The following SAMD12 variants were observed in gnomAD, a reference collection of about 807,000 sequenced individuals.
SAMD12 encodes sterile alpha motif domain containing 12, also known as sterile alpha motif domain-containing protein 12.
SAMD12 carries 9 observed loss-of-function variants against 15.0 expected under a neutral mutation model. The ratio of observed to expected loss-of-function variants is 0.60; its 90% confidence interval spans 0.36 to 1.05. The LOEUF is 1.05. Among genes scored for constraint, SAMD12 ranks in the 50% least tolerant of loss-of-function variants. The pLI, the probability that SAMD12 is intolerant of heterozygous loss-of-function variation, is 0.01. For synonymous variants in SAMD12, 86 were observed against 90.1 expected, an observed-to-expected ratio of 0.96 and a Z score of 0.25; for missense variants, 230 against 234.2, an observed-to-expected ratio of 0.98 and a Z score of 0.12.
In SAMD12 at chr8:118,275,460, C is replaced by T. The variant is rs78125996; in HGVS notation, c.434-77728G>A. On this transcript the variant is annotated intron_variant, in intron 4 of 4. Transcript: ENST00000409003. ...CTTGTAAGATAAGTTTGGGGAAATTCTCTCTTTTTCTATTATCTAAAATAA... is the reference window on the plus strand; with the variant it reads ...CTTGTAAGATAAGTTTGGGGAAATTTTCTCTTTTTCTATTATCTAAAATAA... Among the ~76,000 whole-genome samples, 1,150 of 152,242 alleles carry T rather than the reference C, an allele frequency of 7.6e-3. 19 individuals carry two copies. Among genetic ancestry groups the T allele is most frequent in the African/African-American group, 0.026 (1,095 of 41,526 alleles).
chr8:118,580,579 G>C, intron 2 of SAMD12, 136 bp downstream of exon 2: 1 of 615,732 alleles, frequency 1.6e-6, no homozygotes, highest in Admixed American at 2.8e-5. Flanking sequence ...TTATTTATCC[G>C]CAAGATACAG....
At chr8:118,471,423 T>C (rs1036832812) in intron 2 of SAMD12, among the ~76,000 whole-genome samples, 8 of 152,304 alleles carry the variant, frequency 5.3e-5, no homozygotes, top group Admixed American at 2.0e-4. Flanking sequence ...ATTTTAGTTG[T>C]ACCAAAACAG....
intron 2 of SAMD12, among the ~76,000 whole-genome samples, chr8:118,488,806 C>T (rs1020197659): frequency 3.9e-5 from 6 of 152,194 alleles, no homozygotes; most frequent in Admixed American, 2.0e-4. Flanking sequence ...TTGAGTAAAG[C>T]TGCTGTGACA....
chr8:118,343,550 C>T (rs1445496010), intron 4 of SAMD12, among the ~76,000 whole-genome samples: 1 of 152,048 alleles, frequency 6.6e-6, no homozygotes, highest in Non-Finnish European at 1.5e-5. Context: ...ACAGGAGGGG[C>T]TGGGTTGGGA....
intron 2 of SAMD12, among the ~76,000 whole-genome samples, chr8:118,453,376 A>T (rs1378647170): frequency 6.6e-6 from 1 of 152,218 alleles, no homozygotes; most frequent in Non-Finnish European, 1.5e-5. Flanking sequence ...GTCCAGTGTC[A>T]TATCCACTAA....
At chr8:118,561,693 T>G (rs1050714145) in intron 2 of SAMD12, among the ~76,000 whole-genome samples, 3 of 152,060 alleles carry the variant, frequency 2.0e-5, no homozygotes, top group Admixed American at 6.5e-5. Context: ...TTCAATTACC[T>G]CCCACCAGGT....
At chr8:118,301,175 A>G (rs1815004706) in intron 4 of SAMD12, among the ~76,000 whole-genome samples, 1 of 152,126 alleles carries the variant, frequency 6.6e-6, no homozygotes, top group Non-Finnish European at 1.5e-5. Context: ...AGAAAGAAAA[A>G]CTTTTTGAAA....
At chr8:118,169,899 CTTATT>C in the SAMD12 span, among the ~76,000 whole-genome samples, 1 of 152,096 alleles carries the variant, frequency 6.6e-6, no homozygotes, top group East Asian at 1.9e-4. Flanking sequence ...CATATGAACT[CTTATT>C]TTATATAAAC....
Position 118,584,822 on chromosome 8 carries a change from G to C in SAMD12, c.14-3929C>G, listed in dbSNP as rs535390640. Among the ~76,000 whole-genome samples the C allele has an allele frequency of 9.9e-5, 15 of 152,128 alleles. No homozygotes were observed. The South Asian group carries it at 3.1e-3, about 32-fold the overall frequency. ...TGAAAACCAGGTGCATTGCTGGTGG[G>C]AATGTCAAGTGATACACCCCCTGTG... On this transcript the variant is annotated intron_variant, in intron 1 of 3. Coordinates refer to ENST00000314727, the MANE Select transcript of SAMD12 (RefSeq NM_207506.3).
At chr8:118,147,943 CTTT>C in the SAMD12 span, among the ~76,000 whole-genome samples, 1 of 142,644 alleles carries the variant, frequency 7.0e-6, no homozygotes, top group Admixed American at 7.0e-5. Context: ...GAGATAGAGC[CTTT>C]TTTTTTTTGA....
At chr8:118,444,034 T>G (rs189793233) in intron 2 of SAMD12, among the ~76,000 whole-genome samples, 54 of 152,284 alleles carry the variant, frequency 3.5e-4, no homozygotes, top group Non-Finnish European at 1.5e-4. Flanking sequence ...ATCCAACACC[T>G]ACACTCTCTT....
chr8:118,411,492 T>C (rs915573761), intron 3 of SAMD12, among the ~76,000 whole-genome samples: 7 of 152,144 alleles, frequency 4.6e-5, no homozygotes, highest in East Asian at 3.8e-4. Flanking sequence ...CTAGTAAAAA[T>C]AAAAGCATCA....
intron 4 of SAMD12, among the ~76,000 whole-genome samples, chr8:118,366,881 T>TAAAATAAAATAAAATAAAATAA: frequency 1.9e-5 from 1 of 52,362 alleles, no homozygotes; most frequent in East Asian, 4.2e-4. Context: ...TAAAATAAAA[T>TAAAATAAAATAAAATAAAATAA]AATAAAATAA....
intron 2 of SAMD12, among the ~76,000 whole-genome samples, chr8:118,483,483 A>G (rs1824187505): frequency 6.6e-6 from 1 of 152,106 alleles, no homozygotes; most frequent in Non-Finnish European, 1.5e-5. Flanking sequence ...CAATCATTCA[A>G]CTCTTGCAGT....
At chr8:118,347,049 T>C (rs1817700308) in intron 4 of SAMD12, among the ~76,000 whole-genome samples, 1 of 152,186 alleles carries the variant, frequency 6.6e-6, no homozygotes, top group Non-Finnish European at 1.5e-5. Flanking sequence ...ATGGCCCACC[T>C]TGAATAGCTG....
chr8:118,573,860 T>A (rs546982136), intron 2 of SAMD12, among the ~76,000 whole-genome samples: 4 of 152,320 alleles, frequency 2.6e-5, no homozygotes, highest in Admixed American at 1.3e-4. Context: ...AAAAATTTCA[T>A]CTTTTTATTA....
At chr8:118,436,901 A>G (rs1822590636) in intron 3 of SAMD12, among the ~76,000 whole-genome samples, 1 of 152,180 alleles carries the variant, frequency 6.6e-6, no homozygotes, top group African/African-American at 2.4e-5. Flanking sequence ...GGTAGATACT[A>G]TTAGCATCTC....
intron 2 of SAMD12, among the ~76,000 whole-genome samples, chr8:118,572,747 T>G (rs1382175309): frequency 1.3e-5 from 2 of 152,126 alleles, no homozygotes; most frequent in African/African-American, 4.8e-5. Flanking sequence ...CTTTCTTTTG[T>G]AAATTGTGCA....
At chr8:118,581,508 C>T (rs1827295917) in intron 1 of SAMD12, among the ~76,000 whole-genome samples, 1 of 151,972 alleles carries the variant, frequency 6.6e-6, no homozygotes, top group African/African-American at 2.4e-5. Context: ...TTCTACATGG[C>T]AAAGAAAAAA....
Sources: allele counts gnomAD v4.1 joint callset (sites outside exome capture counted in the v4.1 genomes callset), GRCh38; gene constraint gnomAD v4.1.1; transcripts MANE v1.5; gene names NCBI Gene and HGNC (gene_info 2026-07-23, HGNC 2026-07-21).